Variants in CDK5RAP1 observed in about 807,000 individuals in gnomAD.
CDK5RAP1 encodes the protein CDK5RAP1 mitochondrial tRNA methylthiotransferase.
Under a neutral mutation model 64.5 loss-of-function variants are expected in CDK5RAP1, and 62 were observed. That is an observed-to-expected ratio of 0.96 (90% CI 0.78 to 1.19). CDK5RAP1 has a LOEUF of 1.19. Among genes scored for constraint, CDK5RAP1 ranks in the 50% most tolerant of loss-of-function variants. The pLI is 0.00. For missense variants in CDK5RAP1, 657 were observed against 735.0 expected (o/e 0.89, Z 1.23); for synonymous variants, 250 against 261.9 (o/e 0.95, Z 0.44).
Position 33,360,389 on chromosome 20 carries a change from T to C in CDK5RAP1, c.1645A>G (p.Arg549Gly). ...TAGTCCCCAGGCTGGGCTCTGACCC[T>C]GAGCCCAGGGTTATTGACATCCTCC... ...EMEDVNNPGLRVRAQPGDYVL... is the reference protein window; with the variant it reads ...EMEDVNNPGLGVRAQPGDYVL... Residue 549 changes from arginine to glycine, a missense_variant, in exon 13 of 14, where the codon AGG becomes GGG. Physicochemically the swap from Arg to Gly is moderately radical, Grantham distance 125. Transcript: ENST00000346416. 6.2e-7 allele frequency: 1 copy of C among 1,613,846 alleles called. No homozygotes were observed. Among genetic ancestry groups the C allele is most frequent in the Non-Finnish European group, 8.5e-7 (1 of 1,179,718 alleles).
At chr20:33,370,749 C>G in intron 10 of CDK5RAP1, 120 bp from the exon 11 acceptor site, 1 of 1,011,132 alleles carries the variant, frequency 9.9e-7, no homozygotes, top group Non-Finnish European at 1.5e-6. Flanking sequence ...TAGGACTATT[C>G]ATAAGTAAAA....
At chr20:33,394,395 A>C (rs1485579165) in intron 3 of CDK5RAP1, among the ~76,000 whole-genome samples, 2 of 150,564 alleles carry the variant, frequency 1.3e-5, no homozygotes, top group Admixed American at 1.3e-4. Context: ...CAAGTGATTC[A>C]CCTGCCTTGG....
intron 12 of CDK5RAP1, 128 bp from the exon 13 acceptor site, chr20:33,360,619 T>TG: frequency 5.1e-6 from 4 of 785,778 alleles, no homozygotes; most frequent in Non-Finnish European, 8.0e-6. Context: ...AACCAAGGAA[T>TG]CACTGAAGAC....
At position 33,374,118 on chromosome 20, in the gene CDK5RAP1, C is replaced by CT. The variant is rs755933193; in HGVS notation, c.1201dup (p.Arg401LysfsTer16). 2.5e-5 allele frequency: 41 copies of CT among 1,611,534 alleles called. No homozygotes were observed. The highest frequency in any genetic ancestry group is 3.4e-5 in the Non-Finnish European group (40 of 1,177,790). ...CCCCTCTCCAAGCAAGCCTGACCCC[C>CT]TCCGCATGGCCTCCAACACACGGCT... On this transcript the variant is annotated frameshift_variant, in exon 9 of 14. Transcript: ENST00000346416. LOFTEE classifies it high-confidence loss of function.
At chr20:33,399,546 T>A (rs1324587257) in intron 1 of CDK5RAP1, among the ~76,000 whole-genome samples, 1 of 152,234 alleles carries the variant, frequency 6.6e-6, no homozygotes, top group Non-Finnish European at 1.5e-5. Context: ...GGAACAAGTA[T>A]CATTCATTTC....
intron 5 of CDK5RAP1, among the ~76,000 whole-genome samples, chr20:33,388,436 C>A (rs1049959375): frequency 6.6e-6 from 1 of 152,008 alleles, no homozygotes; most frequent in Non-Finnish European, 1.5e-5. Flanking sequence ...TGCAAGCAAC[C>A]CAAGTGTCTA....
intron 10 of CDK5RAP1, among the ~76,000 whole-genome samples, chr20:33,372,011 TAC>T (rs1985101601): frequency 1.3e-5 from 2 of 152,180 alleles, no homozygotes; most frequent in Non-Finnish European, 2.9e-5. Flanking sequence ...ATCATCTTTA[TAC>T]CTACATTTCC....
chr20:33,367,026 A>AAG lies in CDK5RAP1; in HGVS notation c.1393-20_1393-19dup, dbSNP rs1984105043. ...CGTGTCTTCTATTAAAAAAAAAAAA[A>AAG]AGAGAGAAGATGGAGGTCACCAAGG... On this transcript the variant is annotated intron_variant, in intron 11 of 13. Coordinates refer to ENST00000346416, the MANE Select transcript of CDK5RAP1 (RefSeq NM_016408.4). 1 of 1,590,938 alleles carries AAG rather than the reference A, an allele frequency of 6.3e-7. No homozygotes were observed.
chr20:33,387,649 C>G lies in CDK5RAP1; in HGVS notation c.545-116G>C, dbSNP rs540708959. 7 of 753,918 alleles carry G rather than the reference C, an allele frequency of 9.3e-6. No homozygotes were observed. In the African/African-American group the frequency reaches 1.0e-4, roughly 11 times the overall value. 46.7% of individuals were successfully genotyped at this position (753,918 alleles called of 1,614,324 possible). A position where few individuals can be genotyped will look rare whatever the true frequency, so the allele number is the denominator to read the frequency against. The stretch of plus-strand genomic sequence containing the variant: ...AGAGACCAGGGCACAGAAAACTTCT[C>G]TAAGAATTGAGTATCATCCTTCAAA... On this transcript the variant is annotated intron_variant, in intron 5 of 13. Coordinates refer to ENST00000346416, the MANE Select transcript of CDK5RAP1 (RefSeq NM_016408.4).
intron 12 of CDK5RAP1, among the ~76,000 whole-genome samples, chr20:33,362,818 A>G (rs1230385668): frequency 6.6e-6 from 1 of 152,236 alleles, no homozygotes; most frequent in Non-Finnish European, 1.5e-5. Context: ...ATAATCTGCC[A>G]TTAGAAAATC....
At chr20:33,383,741 CAAAAA>C (rs34365439) in intron 7 of CDK5RAP1, among the ~76,000 whole-genome samples, 1 of 91,264 alleles carries the variant, frequency 1.1e-5, no homozygotes. Flanking sequence ...AACTCTGTCT[CAAAAA>C]AAAAAAAAAA....
At chr20:33,367,720 A>G (rs960977574) in intron 11 of CDK5RAP1, among the ~76,000 whole-genome samples, 1 of 152,252 alleles carries the variant, frequency 6.6e-6, no homozygotes, top group African/African-American at 2.4e-5. Context: ...TACCTAGTCC[A>G]AAAGAAAAAA....
intron 4 of CDK5RAP1, among the ~76,000 whole-genome samples, chr20:33,392,911 C>T (rs1485948211): frequency 6.7e-6 from 1 of 149,250 alleles, no homozygotes; most frequent in Non-Finnish European, 1.5e-5. Context: ...GATGGAGTCT[C>T]GCTTTGTCAC....
intron 11 of CDK5RAP1, among the ~76,000 whole-genome samples, chr20:33,370,019 T>C (rs899380093): frequency 6.6e-6 from 1 of 152,174 alleles, no homozygotes; most frequent in Non-Finnish European, 1.5e-5. Context: ...CCTTCTTTCC[T>C]AATCTCCTTC....
chr20:33,373,932 C>T, intron 9 of CDK5RAP1, 183 bp downstream of exon 9: 1 of 604,844 alleles, frequency 1.7e-6, no homozygotes, highest in African/African-American at 1.9e-5. Flanking sequence ...CAGTCCTTAG[C>T]CTTTGCTTAT....
intron 5 of CDK5RAP1, among the ~76,000 whole-genome samples, chr20:33,388,678 A>G (rs926032967): frequency 1.3e-5 from 2 of 151,228 alleles, no homozygotes; most frequent in African/African-American, 4.9e-5. Context: ...ATGCCCAGCC[A>G]AAGCTGGACT....
chr20:33,392,441 TAGG>T (rs1321917874), intron 4 of CDK5RAP1, among the ~76,000 whole-genome samples, 199 bp from the exon 5 acceptor site: 3 of 151,256 alleles, frequency 2.0e-5, no homozygotes, highest in African/African-American at 7.3e-5. Flanking sequence ...TGTAAAACAT[TAGG>T]AGATTTTTTT....
intron 8 of CDK5RAP1, among the ~76,000 whole-genome samples, chr20:33,378,297 G>A (rs570034765): frequency 1.3e-4 from 20 of 152,278 alleles, no homozygotes; most frequent in South Asian, 2.1e-4. Flanking sequence ...GGGAATGGCC[G>A]TCTGTGGAAC....
chr20:33,392,246 G>C lies in CDK5RAP1; in HGVS notation c.444-4C>G. 6.2e-7 allele frequency: 1 copy of C among 1,600,958 alleles called. No homozygotes were observed. Among genetic ancestry groups the C allele is most frequent in the Non-Finnish European group, 8.5e-7 (1 of 1,170,202 alleles). On this transcript the variant is annotated splice_region_variant and splice_polypyrimidine_tract_variant and intron_variant, in intron 4 of 13. Transcript: ENST00000346416. ...GATGGTCTGCTCAGCCTTCTCCCTA[G>C]AGAGATCAAAGGAGGCAAGACTGAA...
Sources: gnomAD v4.1 joint callset for allele counts (sites outside exome capture counted in the v4.1 genomes callset) on GRCh38, gnomAD v4.1.1 for gene constraint, MANE v1.5 for transcripts, NCBI Gene and HGNC (gene_info 2026-07-23, HGNC 2026-07-21) for gene names.